The following KCNB2 variants were observed in gnomAD, a reference collection of about 807,000 sequenced individuals.
KCNB2 encodes potassium voltage-gated channel subfamily B member 2, also known as delayed rectifier potassium channel protein.
KCNB2 carries 15 observed loss-of-function variants against 61.5 expected under a neutral mutation model. The observed-to-expected ratio is 0.24, with a 90% CI of 0.16 to 0.38. The LOEUF is 0.38. Ranked by LOEUF, KCNB2 falls within the 10% of genes least tolerant of loss-of-function variation. The pLI is 1.00. For missense variants in KCNB2, 828 were observed against 1,125.2 expected (o/e 0.74, Z 3.78); for synonymous variants, 457 against 446.0 (o/e 1.02, Z -0.31).
intron 2 of KCNB2, among the ~76,000 whole-genome samples, chr8:72,923,551 C>G (rs1022032353): frequency 6.6e-6 from 1 of 152,068 alleles, no homozygotes; most frequent in Non-Finnish European, 1.5e-5. Flanking sequence ...GCATGTCCAA[C>G]CCCCACTTCC....
intron 2 of KCNB2, among the ~76,000 whole-genome samples, chr8:72,671,655 C>A (rs1010726980): frequency 6.6e-5 from 10 of 152,102 alleles, no homozygotes; most frequent in African/African-American, 1.9e-4. Flanking sequence ...TTCAATGTGA[C>A]TCTGTAGTTT....
intron 2 of KCNB2, among the ~76,000 whole-genome samples, chr8:72,829,846 T>C (rs921337520): frequency 6.6e-6 from 1 of 152,130 alleles, no homozygotes; most frequent in African/African-American, 2.4e-5. Context: ...CTTTTTATTA[T>C]GTGCTCGGCC....
Position 72,701,969 on chromosome 8 carries a change from GA to G in KCNB2, c.579+133657del, listed in dbSNP as rs202168325. Among the ~76,000 whole-genome samples, 319 of 152,250 alleles carry G rather than the reference GA, an allele frequency of 2.1e-3. 3 individuals are homozygous for G. Among genetic ancestry groups the G allele is most frequent in the African/African-American group, 7.2e-3 (300 of 41,512 alleles). ...ACATTAACAATGATTATTTTTGAAA[GA>G]TTAAGATTACAGGAAATTTTAGCTT... is the stretch of plus-strand genomic sequence containing the variant. On this transcript the variant is annotated intron_variant, in intron 2 of 2. Transcript: ENST00000523207.
chr8:72,790,289 C>G (rs1490570773), intron 2 of KCNB2, among the ~76,000 whole-genome samples: 1 of 152,080 alleles, frequency 6.6e-6, no homozygotes, highest in Non-Finnish European at 1.5e-5. Context: ...CTAAGGTCAG[C>G]ACCCAGAGGA....
intron 2 of KCNB2, among the ~76,000 whole-genome samples, chr8:72,629,371 A>C (rs1805844352): frequency 6.6e-6 from 1 of 151,824 alleles, no homozygotes; most frequent in Non-Finnish European, 1.5e-5. Flanking sequence ...CTTTCTAGAA[A>C]CTCCACACTT....
chr8:72,705,195 T>C (rs1778482605), intron 2 of KCNB2, among the ~76,000 whole-genome samples: 1 of 152,196 alleles, frequency 6.6e-6, no homozygotes, highest in South Asian at 2.1e-4. Context: ...CTAATCATTT[T>C]TGGGGACTGA....
intron 2 of KCNB2, among the ~76,000 whole-genome samples, chr8:72,648,965 G>GT (rs1288197825): frequency 3.0e-4 from 46 of 151,414 alleles, no homozygotes; most frequent in African/African-American, 1.1e-3. Flanking sequence ...CATTGTGCAA[G>GT]TTTTTTTATT....
intron 2 of KCNB2, among the ~76,000 whole-genome samples, chr8:72,703,544 T>G (rs549654706): frequency 6.6e-6 from 1 of 152,320 alleles, no homozygotes; most frequent in East Asian, 1.9e-4. Context: ...TCCCATGATC[T>G]TCGACCAAGT....
intron 2 of KCNB2, among the ~76,000 whole-genome samples, chr8:72,599,415 G>A (rs1015127492): frequency 6.6e-5 from 10 of 152,234 alleles, no homozygotes; most frequent in African/African-American, 2.4e-4. Flanking sequence ...GCTGAAACTG[G>A]ATCCCTTCCT....
At chr8:72,670,366 T>G (rs1328356201) in intron 2 of KCNB2, among the ~76,000 whole-genome samples, 1 of 152,190 alleles carries the variant, frequency 6.6e-6, no homozygotes, top group Non-Finnish European at 1.5e-5. Context: ...TGATAGAAAG[T>G]TTTGGGGTAA....
At chr8:72,849,352 A>G (rs909302683) in intron 2 of KCNB2, among the ~76,000 whole-genome samples, 1 of 152,046 alleles carries the variant, frequency 6.6e-6, no homozygotes, top group Admixed American at 6.6e-5. Flanking sequence ...GGAATATTCA[A>G]GGTCCTCCTT....
At chr8:72,883,108 CCA>C (rs1331708791) in intron 2 of KCNB2, among the ~76,000 whole-genome samples, 1 of 152,198 alleles carries the variant, frequency 6.6e-6, no homozygotes, top group Non-Finnish European at 1.5e-5. Flanking sequence ...AGCCAGGTTC[CCA>C]GTCTCTGCAA....
intron 2 of KCNB2, among the ~76,000 whole-genome samples, chr8:72,766,798 A>T (rs1808466295): frequency 6.6e-6 from 1 of 152,194 alleles, no homozygotes; most frequent in African/African-American, 2.4e-5. Context: ...AAGGAAACAG[A>T]ATTATTCCTT....
At chr8:72,613,773 T>C (rs1375902508) in intron 2 of KCNB2, among the ~76,000 whole-genome samples, 1 of 152,226 alleles carries the variant, frequency 6.6e-6, no homozygotes, top group Non-Finnish European at 1.5e-5. Flanking sequence ...CATTGGCACA[T>C]TGAGCATTCA....
At chr8:72,893,511 A>G (rs770980543) in intron 2 of KCNB2, among the ~76,000 whole-genome samples, 1 of 152,234 alleles carries the variant, frequency 6.6e-6, no homozygotes, top group Admixed American at 6.5e-5. Flanking sequence ...ACAAAATAAT[A>G]GCACTAAATG....
At chr8:72,853,465 C>T (rs1810154904) in intron 2 of KCNB2, among the ~76,000 whole-genome samples, 1 of 152,212 alleles carries the variant, frequency 6.6e-6, no homozygotes, top group South Asian at 2.1e-4. Context: ...TCCCCTTCTG[C>T]TGAAAGCACT....
chr8:72,595,587 G>A (rs149052662), intron 2 of KCNB2, among the ~76,000 whole-genome samples: 3 of 152,038 alleles, frequency 2.0e-5, no homozygotes, highest in Admixed American at 6.5e-5. Flanking sequence ...GCCTCCCAAA[G>A]TGCTGGGATT....
intron 2 of KCNB2, among the ~76,000 whole-genome samples, chr8:72,928,247 T>TGGTGACG (rs1216482226): frequency 1.3e-5 from 2 of 150,764 alleles, no homozygotes; most frequent in Non-Finnish European, 3.0e-5. Context: ...GGCTGGAGTA[T>TGGTGACG]GGTGACGCAA....
At chr8:72,916,774 T>G (rs1563423396) in intron 2 of KCNB2, among the ~76,000 whole-genome samples, 1 of 152,186 alleles carries the variant, frequency 6.6e-6, no homozygotes, top group Admixed American at 6.5e-5. Flanking sequence ...CAGGAAGGTA[T>G]TCTTCCCATG....
Sources: allele counts gnomAD v4.1 joint callset (sites outside exome capture counted in the v4.1 genomes callset), GRCh38; gene constraint gnomAD v4.1.1; transcripts MANE v1.5; gene names NCBI Gene and HGNC (gene_info 2026-07-23, HGNC 2026-07-21).